The following SLC7A9 variants were observed in gnomAD, a reference collection of about 807,000 sequenced individuals.
The protein encoded by SLC7A9 is B(0,+)-type amino acid transporter 1.
SLC7A9 carries 38 observed loss-of-function variants against 54.1 expected under a neutral mutation model. The observed-to-expected ratio is 0.70, with a 90% CI of 0.54 to 0.92. The LOEUF is 0.92. SLC7A9 is among the 40% of genes least tolerant of loss of function. The pLI is 0.00. For missense variants in SLC7A9, 537 were observed against 636.1 expected (o/e 0.84, Z 1.68); for synonymous variants, 264 against 258.9 (o/e 1.02, Z -0.19).
intron 6 of SLC7A9, among the ~76,000 whole-genome samples, chr19:32,861,176 A>G (rs1268033791): frequency 6.6e-6 from 1 of 152,078 alleles, no homozygotes; most frequent in Non-Finnish European, 1.5e-5. Flanking sequence ...TAAAAATACA[A>G]AAATTAGCCC....
intron 12 of SLC7A9, 50 bp from the exon 13 acceptor site, chr19:32,830,734 A>T: frequency 6.9e-7 from 1 of 1,447,806 alleles, no homozygotes; most frequent in Non-Finnish European, 9.7e-7. Context: ...GAAATTCGAA[A>T]GTTTCACTGG....
chr19:32,854,468 T>C (rs1968560250), intron 9 of SLC7A9, among the ~76,000 whole-genome samples: 2 of 152,182 alleles, frequency 1.3e-5, no homozygotes, highest in African/African-American at 4.8e-5. Context: ...AGAATGAAAT[T>C]GGACCCTTAT....
Position 32,864,630 on chromosome 19 carries a change from C to T in SLC7A9, c.234G>A (p.Leu78=). The T allele has an allele frequency of 3.7e-6, 6 of 1,613,366 alleles. No homozygotes were observed. Among genetic ancestry groups the T allele is most frequent in the Non-Finnish European group, 4.2e-6 (5 of 1,180,006 alleles). The change falls in exon 3 of 13, where the codon CTG becomes CTA. Residue 78 remains leucine (L), a splice_region_variant and synonymous_variant. Transcript: ENST00000023064. ...IWAACGVLAT[L]GALCFAELGT... ...CAACAGGCTCCCAAGTCTCTTTACC[C>T]AGCGTCGCGAGGACCCCGCAAGCCG...
At chr19:32,838,686 TTA>T (rs1599654519) in intron 11 of SLC7A9, among the ~76,000 whole-genome samples, 1 of 137,356 alleles carries the variant, frequency 7.3e-6, no homozygotes, top group East Asian at 2.3e-4. Context: ...TTTAAAGATA[TTA>T]TATATGTATA....
chr19:32,868,818 G>C (rs1320225902), intron 1 of SLC7A9, among the ~76,000 whole-genome samples, 173 bp from the exon 2 acceptor site: 1 of 152,126 alleles, frequency 6.6e-6, no homozygotes, highest in Non-Finnish European at 1.5e-5. Flanking sequence ...CTCCCAGACA[G>C]GCCCCGGGAG....
chr19:32,836,386 T>C (rs1967960626), intron 11 of SLC7A9, among the ~76,000 whole-genome samples: 1 of 152,228 alleles, frequency 6.6e-6, no homozygotes, highest in African/African-American at 2.4e-5. Flanking sequence ...TCTATTAATA[T>C]TTCCTCTTGG....
intron 9 of SLC7A9, among the ~76,000 whole-genome samples, chr19:32,847,704 C>G (rs1968341753): frequency 1.3e-5 from 2 of 152,018 alleles, no homozygotes; most frequent in Non-Finnish European, 2.9e-5. Flanking sequence ...AGATACTCCT[C>G]GAGAAGGGCA....
intron 4 of SLC7A9, chr19:32,862,846 A>G (rs1968847150): frequency 8.4e-6 from 2 of 237,762 alleles, no homozygotes; most frequent in Non-Finnish European, 1.6e-5. Flanking sequence ...TAATTTTTGT[A>G]TTTTTAGTAG....
At chr19:32,843,316 G>T (rs1045073516) in intron 10 of SLC7A9, among the ~76,000 whole-genome samples, 2 of 152,080 alleles carry the variant, frequency 1.3e-5, no homozygotes, top group Non-Finnish European at 2.9e-5. Flanking sequence ...AAGTAGCCAG[G>T]CGTGATGGCA....
intron 11 of SLC7A9, among the ~76,000 whole-genome samples, chr19:32,841,588 TC>T (rs1432472691): frequency 6.6e-6 from 1 of 151,402 alleles, no homozygotes; most frequent in Admixed American, 6.6e-5. Flanking sequence ...ACAAGAAAAA[TC>T]TATGAAAAAT....
Position 32,859,867 on chromosome 19 carries a change from G to A in SLC7A9, c.847C>T (p.Leu283Phe), listed in dbSNP as rs1357600282. Residue 283 changes from leucine to phenylalanine, a missense_variant, in exon 8 of 13, where the codon CTC becomes TTC. By Grantham distance (22) the Leu-to-Phe change is conservative. Coordinates refer to ENST00000023064, the MANE Select transcript of SLC7A9 (RefSeq NM_014270.5). Reference protein sequence around the residue: ...SYFTVMTATELLQSQAVAVTF... With the variant: ...SYFTVMTATEFLQSQAVAVTF... ...ACAGCCACCGCCTGGGACTGCAGGA[G>A]TTCGGTGGCAGTCATCACGGTGAAG... The A allele has an allele frequency of 6.2e-7, 1 of 1,614,024 alleles. No homozygotes were observed. Among genetic ancestry groups the A allele is most frequent in the Non-Finnish European group, 8.5e-7 (1 of 1,179,996 alleles).
At position 32,859,851 on chromosome 19, in the gene SLC7A9, G is replaced by T. The variant is rs200621569; in HGVS notation, c.863C>A (p.Ala288Glu). 7 of 1,613,894 alleles carry T rather than the reference G, an allele frequency of 4.3e-6. No homozygotes were observed. The highest frequency in any genetic ancestry group is 2.2e-5 in the East Asian group (1 of 44,864). ...MTATELLQSQ[A>E]VAVTFGDRVL... ...TGCCCGGGCACTCACCACAGCCACC[G>T]CCTGGGACTGCAGGAGTTCGGTGGC... The change falls in exon 8 of 13, where the codon GCG becomes GAG. Residue 288 changes from alanine (A) to glutamate (E), a missense_variant. Ala to Glu is a moderately radical substitution (Grantham distance 107, BLOSUM62 -1). Coordinates refer to ENST00000023064, the MANE Select transcript of SLC7A9 (RefSeq NM_014270.5).
chr19:32,862,424 T>A (rs755568192), intron 5 of SLC7A9, 37 bp downstream of exon 5: 4 of 1,611,580 alleles, frequency 2.5e-6, no homozygotes, highest in Non-Finnish European at 3.4e-6. Context: ...GGGCGTTTGG[T>A]GTGTGCCCGT....
rs146815072 is a variant in SLC7A9 at position 32,830,639 on chromosome 19, G to A, written c.1445C>T (p.Pro482Leu). ...AGCTTGTTACTCAGGGTCTTCCTCCGGTGGGACCACTTCCATTAGCATCTG... is the reference window on the plus strand; with the variant it reads ...AGCTTGTTACTCAGGGTCTTCCTCCAGTGGGACCACTTCCATTAGCATCTG... ...HLQMLMEVVP[P>L]EEDPE Residue 482 changes from proline to leucine, a missense_variant, in exon 13 of 13, where the codon CCG (proline) becomes CTG (leucine). Transcript: ENST00000023064. 9.0e-5 allele frequency: 145 copies of A among 1,613,792 alleles called. No individual in the cohort carries two copies. The East Asian group carries it at 2.3e-3, about 26-fold the overall frequency.
At chr19:32,847,066 T>TA (rs1968319575) in intron 9 of SLC7A9, among the ~76,000 whole-genome samples, 1 of 151,996 alleles carries the variant, frequency 6.6e-6, no homozygotes, top group Non-Finnish European at 1.5e-5. Context: ...CAAAAGTAGA[T>TA]AAACCACAAA....
chr19:32,864,575 C>T, intron 3 of SLC7A9, 54 bp downstream of exon 3: 1 of 1,605,384 alleles, frequency 6.2e-7, no homozygotes, highest in Non-Finnish European at 8.5e-7. Context: ...TAGCAGCTGC[C>T]TGGCGTGCCC....
intron 9 of SLC7A9, among the ~76,000 whole-genome samples, chr19:32,854,010 A>G (rs1968546072): frequency 1.4e-5 from 2 of 143,096 alleles, no homozygotes; most frequent in South Asian, 2.2e-4. Context: ...AAGACTCAGT[A>G]TTTTTTTTTT....
intron 1 of SLC7A9, among the ~76,000 whole-genome samples, chr19:32,869,017 T>G (rs1969061195): frequency 6.8e-6 from 1 of 147,834 alleles, no homozygotes; most frequent in Admixed American, 6.9e-5. Flanking sequence ...GAGACCAGCC[T>G]GGCTAACATG....
At chr19:32,857,724 A>G (rs1968668598) in intron 9 of SLC7A9, among the ~76,000 whole-genome samples, 4 of 152,198 alleles carry the variant, frequency 2.6e-5, no homozygotes, top group Non-Finnish European at 5.9e-5. Flanking sequence ...ACCCACACCC[A>G]GGTGTGAGTG....
Sources: gnomAD v4.1 joint callset for allele counts (sites outside exome capture counted in the v4.1 genomes callset) on GRCh38, gnomAD v4.1.1 for gene constraint, MANE v1.5 for transcripts, NCBI Gene and HGNC (gene_info 2026-07-23, HGNC 2026-07-21) for gene names.